The following CACNA2D3 variants were observed in gnomAD, a reference collection of about 807,000 sequenced individuals.
CACNA2D3 encodes voltage-dependent calcium channel subunit alpha-2/delta-3.
CACNA2D3 carries 60 observed loss-of-function variants against 160.6 expected under a neutral mutation model. The observed-to-expected ratio is 0.37, with a 90% confidence interval of 0.30 to 0.46. CACNA2D3 has a LOEUF of 0.46. Among genes scored for constraint, CACNA2D3 ranks in the 20% least tolerant of loss-of-function variants. The pLI, the probability that CACNA2D3 is intolerant of heterozygous loss-of-function variation, is 1.00. For synonymous variants in CACNA2D3, 558 were observed against 492.9 expected (o/e 1.13, Z -1.75); for missense variants, 1,205 against 1,365.0 (o/e 0.88, Z 1.85).
At chr3:54,983,869 TC>T (rs1702557845) in intron 29 of CACNA2D3, among the ~76,000 whole-genome samples, 1 of 152,220 alleles carries the variant, frequency 6.6e-6, no homozygotes, top group African/African-American at 2.4e-5. Context: ...AAGTTTAAAC[TC>T]CACAGCACTG....
chr3:54,942,745 C>T, intron 27 of CACNA2D3, among the ~76,000 whole-genome samples: 1 of 151,946 alleles, frequency 6.6e-6, no homozygotes, highest in Non-Finnish European at 1.5e-5. Context: ...AAAAATTAGG[C>T]CAGGCACAGT....
intron 2 of CACNA2D3, among the ~76,000 whole-genome samples, chr3:54,248,670 C>T (rs1208744208): frequency 1.3e-5 from 2 of 152,142 alleles, no homozygotes; most frequent in Non-Finnish European, 1.5e-5. Context: ...ACCAACCCTA[C>T]TGGCATCTTG....
intron 4 of CACNA2D3, among the ~76,000 whole-genome samples, chr3:54,461,053 G>A (rs1382009825): frequency 6.6e-6 from 1 of 151,870 alleles, no homozygotes; most frequent in African/African-American, 2.4e-5. Flanking sequence ...TTTGTCTTTG[G>A]TTCTGTTTAT....
At chr3:55,044,377 T>C (rs1057139597) in intron 35 of CACNA2D3, among the ~76,000 whole-genome samples, 3 of 152,318 alleles carry the variant, frequency 2.0e-5, no homozygotes, top group East Asian at 3.9e-4. Context: ...AATTATACTT[T>C]TTCATTTCAA....
intron 13 of CACNA2D3, among the ~76,000 whole-genome samples, chr3:54,792,612 G>A (rs963393877): frequency 3.3e-5 from 5 of 152,104 alleles, no homozygotes; most frequent in Non-Finnish European, 7.4e-5. Context: ...TCCCCTGTGT[G>A]CAGTCAAGAT....
At chr3:54,431,077 G>A (rs1467202632) in intron 4 of CACNA2D3, among the ~76,000 whole-genome samples, 3 of 152,072 alleles carry the variant, frequency 2.0e-5, no homozygotes, top group African/African-American at 4.8e-5. Flanking sequence ...GGTGGCTCAC[G>A]GCTGTAATCC....
At chr3:54,855,189 C>CA (rs1321218181) in intron 17 of CACNA2D3, among the ~76,000 whole-genome samples, 1 of 152,236 alleles carries the variant, frequency 6.6e-6, no homozygotes, top group South Asian at 2.1e-4. Flanking sequence ...GGGGGACACT[C>CA]ACAGGAAATG....
chr3:54,679,227 C>T (rs766282131), intron 11 of CACNA2D3, among the ~76,000 whole-genome samples: 20 of 152,196 alleles, frequency 1.3e-4, no homozygotes, highest in Non-Finnish European at 2.6e-4. Context: ...CTTTTGAATG[C>T]CCTGGGTGTA....
At chr3:54,591,499 T>C (rs1019427421) in intron 9 of CACNA2D3, among the ~76,000 whole-genome samples, 3 of 150,360 alleles carry the variant, frequency 2.0e-5, no homozygotes, top group African/African-American at 7.4e-5. Context: ...AGATGTTCCA[T>C]AGAAGCATGA....
chr3:54,781,537 C>A (rs374954386), intron 13 of CACNA2D3, among the ~76,000 whole-genome samples: 4 of 152,202 alleles, frequency 2.6e-5, no homozygotes, highest in East Asian at 3.9e-4. Context: ...CAAAAGACAT[C>A]TACTGAGCTA....
intron 4 of CACNA2D3, among the ~76,000 whole-genome samples, chr3:54,444,692 T>C (rs1174507850): frequency 6.6e-6 from 1 of 152,204 alleles, no homozygotes; most frequent in African/African-American, 2.4e-5. Context: ...CATGTAGCTC[T>C]CACTTTTCTC....
chr3:54,503,394 C>T (rs918409700), intron 4 of CACNA2D3, 98 bp from the exon 5 acceptor site: 2 of 1,020,738 alleles, frequency 2.0e-6, no homozygotes, highest in South Asian at 1.4e-5. Flanking sequence ...TCAGGGTCCA[C>T]AGTGTAAGGG....
At chr3:54,406,694 A>T (rs78363676) in intron 4 of CACNA2D3, among the ~76,000 whole-genome samples, 1 of 151,980 alleles carries the variant, frequency 6.6e-6, no homozygotes, top group African/African-American at 2.4e-5. Flanking sequence ...GTTGTAGGTC[A>T]AAGAATACAA....
At chr3:54,322,932 A>G (rs898743589) in intron 3 of CACNA2D3, among the ~76,000 whole-genome samples, 2 of 152,224 alleles carry the variant, frequency 1.3e-5, no homozygotes, top group African/African-American at 4.8e-5. Flanking sequence ...ATTCCTTGCA[A>G]TGTGTATTCT....
intron 35 of CACNA2D3, 31 bp downstream of exon 35, chr3:55,018,348 A>C: frequency 3.8e-6 from 5 of 1,324,222 alleles, no homozygotes; most frequent in Non-Finnish European, 5.4e-6. Flanking sequence ...CTAACCCCCT[A>C]CACCTTTCTG....
At chr3:54,602,936 C>T (rs1308357827) in intron 9 of CACNA2D3, among the ~76,000 whole-genome samples, 8 of 152,198 alleles carry the variant, frequency 5.3e-5, no homozygotes, top group Non-Finnish European at 5.9e-5. Context: ...TCAAAGCACC[C>T]ACCTCATAAT....
chr3:54,403,074 A>G (rs547275498), intron 4 of CACNA2D3, among the ~76,000 whole-genome samples: 79 of 152,250 alleles, frequency 5.2e-4, no homozygotes, highest in African/African-American at 1.6e-3. Context: ...TCTTAGCAAT[A>G]TCTTGGCCAG....
chr3:54,806,913 G>A (rs949609313), intron 13 of CACNA2D3, among the ~76,000 whole-genome samples: 25 of 152,246 alleles, frequency 1.6e-4, no homozygotes, highest in East Asian at 7.7e-4. Flanking sequence ...ATCTACAACT[G>A]TCTGATCTTT....
intron 11 of CACNA2D3, among the ~76,000 whole-genome samples, chr3:54,717,076 T>C (rs931370397): frequency 2.6e-5 from 4 of 152,150 alleles, no homozygotes; most frequent in Non-Finnish European, 4.4e-5. Context: ...TTACCTGTTA[T>C]TGCACCAGAA....
Sources: gnomAD v4.1 joint callset for allele counts (sites outside exome capture counted in the v4.1 genomes callset) on GRCh38, gnomAD v4.1.1 for gene constraint, MANE v1.5 for transcripts, NCBI Gene and HGNC (gene_info 2026-07-23, HGNC 2026-07-21) for gene names.